The following SORCS2 variants were observed in gnomAD, a reference collection of about 807,000 sequenced individuals.
SORCS2 encodes sortilin related VPS10 domain containing receptor 2.
SORCS2 carries 100 observed loss-of-function variants against 141.6 expected under a neutral mutation model. That is an observed-to-expected ratio of 0.71 (90% CI 0.60 to 0.83). The LOEUF is 0.83. Among genes scored for constraint, SORCS2 ranks in the 40% least tolerant of loss-of-function variants. The pLI is 0.00. For synonymous variants in SORCS2, 789 were observed against 676.9 expected (o/e 1.17, Z -2.57); for missense variants, 1,646 against 1,560.2 (o/e 1.05, Z -0.93).
chr4:7,318,921 C>A (rs138588594), intron 1 of SORCS2, among the ~76,000 whole-genome samples: 5 of 152,156 alleles, frequency 3.3e-5, no homozygotes, highest in African/African-American at 1.2e-4. Flanking sequence ...TGACAACTAC[C>A]GATCTGGTTT....
chr4:7,446,527 G>C (rs76437971), intron 2 of SORCS2, among the ~76,000 whole-genome samples: 4,957 of 152,288 alleles, frequency 0.033, 230 homozygotes, highest in African/African-American at 0.11. Context: ...CTGGGACACT[G>C]CTGAGGGGCT....
In SORCS2 at chr4:7,734,077, G is replaced by A. The variant is rs576993418; in HGVS notation, c.3209-195G>A. Among the ~76,000 whole-genome samples the A allele has an allele frequency of 1.1e-4, 17 of 151,738 alleles. No homozygotes were observed. In the South Asian group the frequency reaches 3.1e-3, roughly 28 times the overall value. On this transcript the variant is annotated intron_variant, in intron 24 of 26. Coordinates refer to ENST00000507866, the MANE Select transcript of SORCS2 (RefSeq NM_020777.3). ...ACAGGAAGAGGTCAAGCCGGGAATG[G>A]GCTGGGGAAGGGCTGGGGAGGGAAT...
At chr4:7,381,821 T>A (rs1340228469) in intron 1 of SORCS2, 2 of 796,174 alleles carry the variant, frequency 2.5e-6, no homozygotes, top group Admixed American at 6.2e-5. Context: ...GGCCACCATG[T>A]GCCAGGAGCC....
chr4:7,250,831 AC>A (rs1713456775), intron 1 of SORCS2, among the ~76,000 whole-genome samples: 1 of 152,254 alleles, frequency 6.6e-6, no homozygotes, highest in South Asian at 2.1e-4. Flanking sequence ...AATAGGAGAA[AC>A]CCAGGCTTTC....
At chr4:7,672,293 G>T (rs957999821) in intron 8 of SORCS2, among the ~76,000 whole-genome samples, 4 of 152,128 alleles carry the variant, frequency 2.6e-5, no homozygotes, top group Admixed American at 2.6e-4. Context: ...AGAGAGAAAT[G>T]ACTTATTACA....
chr4:7,319,020 C>G (rs994746859), intron 1 of SORCS2, among the ~76,000 whole-genome samples: 1 of 152,150 alleles, frequency 6.6e-6, no homozygotes, highest in Non-Finnish European at 1.5e-5. Flanking sequence ...TTCCACTTAG[C>G]ATAATGCATT....
intron 1 of SORCS2, among the ~76,000 whole-genome samples, chr4:7,277,677 G>A (rs10021466): frequency 0.24 from 36,144 of 152,140 alleles, 4,625 homozygotes; most frequent in East Asian, 0.44. Context: ...CTGAGCTTCT[G>A]GGAGCAAAAT....
intron 2 of SORCS2, among the ~76,000 whole-genome samples, chr4:7,435,151 T>C (rs973287951): frequency 2.0e-5 from 3 of 152,136 alleles, no homozygotes; most frequent in African/African-American, 7.2e-5. Flanking sequence ...GAAGCTCGGC[T>C]CCTAGGAAGC....
intron 1 of SORCS2, among the ~76,000 whole-genome samples, chr4:7,395,685 G>T (rs533674436): frequency 9.9e-5 from 15 of 152,236 alleles, no homozygotes; most frequent in African/African-American, 3.1e-4. Context: ...ATGAATGAAT[G>T]AATGAATGAA....
At chr4:7,219,438 T>C (rs1244381190) in intron 1 of SORCS2, among the ~76,000 whole-genome samples, 1 of 152,158 alleles carries the variant, frequency 6.6e-6, no homozygotes, top group Non-Finnish European at 1.5e-5. Context: ...GATGAGTCCA[T>C]TCTCACGCTG....
In SORCS2 at chr4:7,655,155, C is replaced by T. The variant is rs115997357; in HGVS notation, c.887+948C>T. On this transcript the variant is annotated intron_variant, in intron 5 of 26. Transcript: ENST00000507866. The stretch of plus-strand genomic sequence containing the variant: ...GGTCACACTGCCTTTCATGTTACAC[C>T]GCTCCTTGATGTGCTGATTCCATGG... Among the ~76,000 whole-genome samples, 710 of 152,032 alleles carry T rather than the reference C, an allele frequency of 4.7e-3. 8 individuals are homozygous for T. The highest frequency in any genetic ancestry group is 0.016 in the African/African-American group (645 of 41,386).
chr4:7,463,166 C>G (rs909908805), intron 2 of SORCS2, among the ~76,000 whole-genome samples: 1 of 152,188 alleles, frequency 6.6e-6, no homozygotes, highest in Admixed American at 6.5e-5. Flanking sequence ...GGCCCCGAAG[C>G]CTGGTGCTGA....
At chr4:7,344,698 G>A (rs567992985) in intron 1 of SORCS2, among the ~76,000 whole-genome samples, 1 of 152,190 alleles carries the variant, frequency 6.6e-6, no homozygotes, top group African/African-American at 2.4e-5. Flanking sequence ...AGGAGGTGAA[G>A]AGGAAGCACC....
chr4:7,503,960 C>T (rs1437793544), intron 2 of SORCS2, among the ~76,000 whole-genome samples: 4 of 152,146 alleles, frequency 2.6e-5, no homozygotes, highest in Non-Finnish European at 4.4e-5. Context: ...CCCTCCCTGT[C>T]GGACTTGGTC....
intron 1 of SORCS2, among the ~76,000 whole-genome samples, chr4:7,391,313 C>CAGAA (rs1462052496): frequency 3.9e-5 from 6 of 152,314 alleles, no homozygotes; most frequent in Admixed American, 2.0e-4. Flanking sequence ...CCCAGAGCAG[C>CAGAA]AGAAAGTCCT....
chr4:7,683,333 T>G (rs985158052), intron 10 of SORCS2, among the ~76,000 whole-genome samples: 1 of 136,710 alleles, frequency 7.3e-6, no homozygotes, highest in Non-Finnish European at 1.6e-5. Flanking sequence ...TGACCTTGGC[T>G]GGGCTCCGCT....
chr4:7,516,452 C>T (rs1045715492), intron 2 of SORCS2, among the ~76,000 whole-genome samples: 3 of 152,062 alleles, frequency 2.0e-5, no homozygotes, highest in Middle Eastern at 3.2e-3. Flanking sequence ...TGATTTGCAC[C>T]ACGTGGGAGG....
At chr4:7,331,218 T>C (rs1158978578) in intron 1 of SORCS2, among the ~76,000 whole-genome samples, 1 of 152,168 alleles carries the variant, frequency 6.6e-6, no homozygotes, top group East Asian at 1.9e-4. Flanking sequence ...TTCCGTGGGC[T>C]GGAGACTGCT....
At chr4:7,299,317 C>A (rs1188025902) in intron 1 of SORCS2, among the ~76,000 whole-genome samples, 2 of 152,192 alleles carry the variant, frequency 1.3e-5, no homozygotes, top group Non-Finnish European at 2.9e-5. Context: ...TCAGGCATGG[C>A]CCACTGAGCA....
Sources: gnomAD v4.1 joint callset for allele counts (sites outside exome capture counted in the v4.1 genomes callset) on GRCh38, gnomAD v4.1.1 for gene constraint, MANE v1.5 for transcripts, NCBI Gene and HGNC (gene_info 2026-07-23, HGNC 2026-07-21) for gene names.